The following SMARCA2 variants were observed in gnomAD, a reference collection of about 807,000 sequenced individuals.
SMARCA2 encodes SWI/SNF related BAF chromatin remodeling complex subunit ATPase 2, also known as SWI/SNF-related matrix-associated actin-dependent regulator of chromatin subfamily A member 2.
Under a neutral mutation model 199.8 loss-of-function variants are expected in SMARCA2, and 61 were observed. The ratio of observed to expected loss-of-function variants is 0.31; its 90% CI spans 0.25 to 0.38. SMARCA2 has a LOEUF of 0.38. Ranked by LOEUF, SMARCA2 falls within the 10% of genes least tolerant of loss-of-function variation. The pLI is 1.00. For synonymous variants in SMARCA2, 935 were observed against 732.0 expected (o/e 1.28, Z -4.48); for missense variants, 1,344 against 2,012.2 (o/e 0.67, Z 6.35).
Position 2,134,228 on chromosome 9 carries a change from A to G in SMARCA2, c.3981+10291A>G, listed in dbSNP as rs150970509. 1.9e-3 allele frequency among the ~76,000 whole-genome samples: 295 copies of G among 152,328 alleles called. 3 individuals carry two copies. The highest frequency in any genetic ancestry group is 6.4e-3 in the African/African-American group (266 of 41,578). On this transcript the variant is annotated intron_variant, in intron 27 of 33. Transcript: ENST00000349721. ...GGGAATCAAGAAGCTCCTTTCGCTT[A>G]CTCACTAATGGAATTAAAAGAGAAC...
At chr9:2,116,623 T>C (rs961489374) in intron 25 of SMARCA2, among the ~76,000 whole-genome samples, 1 of 152,230 alleles carries the variant, frequency 6.6e-6, no homozygotes, top group Admixed American at 6.5e-5. Context: ...TTAAACAGCC[T>C]TTATTTGTCA....
At chr9:2,116,090 C>T (rs1288788397) in intron 25 of SMARCA2, 41 bp downstream of exon 25, 3 of 1,427,972 alleles carry the variant, frequency 2.1e-6, no homozygotes, top group Non-Finnish European at 3.0e-6. Context: ...CAAACAGTGG[C>T]CTTTTGTCTC....
chr9:2,158,897 GTTTGGGGTC>G, intron 27 of SMARCA2: 1 of 1,602,200 alleles, frequency 6.2e-7, no homozygotes, highest in Middle Eastern at 1.7e-4. Context: ...ATATGGATGT[GTTTGGGGTC>G]TTTGGGGAGG....
At chr9:2,118,821 T>G (rs1360042809) in intron 25 of SMARCA2, among the ~76,000 whole-genome samples, 2 of 152,218 alleles carry the variant, frequency 1.3e-5, no homozygotes, top group Non-Finnish European at 2.9e-5. Flanking sequence ...ATTATTTTAA[T>G]TAAGTATAAT....
At position 2,123,878 on chromosome 9, in the gene SMARCA2, T is replaced by C. The variant is rs1181184879; in HGVS notation, c.3922T>C (p.Ser1308Pro). 2 of 1,600,910 alleles carry C rather than the reference T, an allele frequency of 1.2e-6. No homozygotes were observed. Among genetic ancestry groups the C allele is most frequent in the Non-Finnish European group, 8.5e-7 (1 of 1,174,068 alleles). Residue 1308 changes from serine to proline, a missense_variant, in exon 27 of 34, where the codon TCC becomes CCC. By Grantham distance (74) the Ser-to-Pro change is moderately conservative. Transcript: ENST00000349721. The surrounding 1 kb of genome is among the most constrained non-coding windows in gnomAD (Gnocchi z 4.1). ...EEEEKIFGRG[S>P]RQRRDVDYSD... ...GGAGGAGAAAATATTTGGGAGGGGG[T>C]CCCGCCAGCGCCGTGACGTGGACTA...
chr9:2,191,394 G>C lies in SMARCA2; in HGVS notation c.4723G>C (p.Glu1575Gln), dbSNP rs778660870. ...PVVSDFDSDE[E>Q]QDEREQSEGS... ...AGTGAGCGATTTTGACAGCGATGAG[G>C]AGCAGGATGAACGTGTAAGTGTAGC... is the stretch of plus-strand genomic sequence containing the variant. Residue 1575 changes from glutamate to glutamine, a missense_variant, in exon 33 of 34, where the codon GAG (glutamate) becomes CAG (glutamine). Around this residue, in one of 18 missense-constraint regions of SMARCA2, gnomAD observed 155 missense variants for 121.1 expected, o/e 1.28. Coordinates refer to ENST00000349721, the MANE Select transcript of SMARCA2 (RefSeq NM_003070.5). 2.4e-5 allele frequency: 38 copies of C among 1,614,018 alleles called. No homozygotes were observed. The highest frequency in any genetic ancestry group is 3.2e-5 in the Non-Finnish European group (38 of 1,180,012).
chr9:2,144,359 C>T (rs1027210867), intron 27 of SMARCA2, among the ~76,000 whole-genome samples: 2 of 152,070 alleles, frequency 1.3e-5, no homozygotes, highest in Non-Finnish European at 2.9e-5. Context: ...AGAGCAAGTC[C>T]GTTCTTGTGT....
intron 27 of SMARCA2, among the ~76,000 whole-genome samples, chr9:2,129,803 A>G (rs1304287491): frequency 6.6e-6 from 1 of 152,168 alleles, no homozygotes; most frequent in African/African-American, 2.4e-5. Context: ...TCCTGTCACT[A>G]CGGAGATGTC....
At chr9:2,047,136 C>T in intron 4 of SMARCA2, 93 bp from the exon 5 acceptor site, 1 of 949,468 alleles carries the variant, frequency 1.1e-6, no homozygotes, top group Non-Finnish European at 1.3e-6. Flanking sequence ...TTAATGGTCC[C>T]CAGCACTGGG....
In SMARCA2 at chr9:2,096,702, C is replaced by T. The variant is rs139445919; in HGVS notation, c.2929C>T (p.Leu977=). ...TGACATGTCAGCTCTGCAGAAGATT[C>T]TGTATCGCCATATGCAAGCCAAGGG... is the stretch of plus-strand genomic sequence containing the variant. ...KCDMSALQKI[L]YRHMQAKGIL... Residue 977 remains leucine (L), a synonymous_variant, in exon 20 of 34, where the codon CTG becomes TTG. Coordinates refer to ENST00000349721, the MANE Select transcript of SMARCA2 (RefSeq NM_003070.5). 253 of 1,613,816 alleles carry T rather than the reference C, an allele frequency of 1.6e-4. No homozygotes were observed. The highest frequency in any genetic ancestry group is 2.0e-5 in the Non-Finnish European group (24 of 1,179,808).
At position 2,161,757 on chromosome 9, in the gene SMARCA2, T is replaced by C; in HGVS notation, c.4053T>C (p.Asn1351=). ...VRLKKRKRRR[N]VDKDPAKEDV... Reference sequence around the variant, plus strand: ...TTAAGAAGCGAAAAAGACGAAGAAATGTGGATAAAGATCCTGCAAAAGAAG... The same window carrying C: ...TTAAGAAGCGAAAAAGACGAAGAAACGTGGATAAAGATCCTGCAAAAGAAG... The change falls in exon 28 of 34, where the codon AAT becomes AAC. Residue 1351 remains asparagine, a synonymous_variant. Coordinates refer to ENST00000349721, the MANE Select transcript of SMARCA2 (RefSeq NM_003070.5). The surrounding 1 kb of genome is among the most constrained non-coding windows in gnomAD (Gnocchi z 4.7). The C allele has an allele frequency of 6.2e-7, 1 of 1,613,856 alleles. No individual in the cohort carries two copies. Among genetic ancestry groups the C allele is most frequent in the Non-Finnish European group, 8.5e-7 (1 of 1,179,952 alleles).
chr9:2,029,213 A>G lies in SMARCA2; in HGVS notation c.191A>G (p.Asp64Gly). Residue 64 changes from aspartate to glycine, a missense_variant, in exon 2 of 34, where the codon GAC becomes GGC. Physicochemically the swap from Asp to Gly is moderately conservative, Grantham distance 94. Around this residue, in one of 18 missense-constraint regions of SMARCA2, gnomAD observed 275 missense variants for 247.5 expected, o/e 1.11. Transcript: ENST00000349721. Reference sequence around the variant, plus strand: ...CCTATGCCGACGATGGGGTCCACAGACTTCCCACAGGAAGGCATGCATCAA... The same window carrying G: ...CCTATGCCGACGATGGGGTCCACAGGCTTCCCACAGGAAGGCATGCATCAA... Reference protein sequence around the residue: ...SHPMPTMGSTDFPQEGMHQMH... With the variant: ...SHPMPTMGSTGFPQEGMHQMH... 1.2e-6 allele frequency: 2 copies of G among 1,612,890 alleles called. No individual in the cohort carries two copies. Among genetic ancestry groups the G allele is most frequent in the South Asian group, 2.2e-5 (2 of 90,740 alleles).
At chr9:2,182,916 G>C (rs1322355793) in intron 31 of SMARCA2, among the ~76,000 whole-genome samples, 6 of 151,688 alleles carry the variant, frequency 4.0e-5, no homozygotes, top group Non-Finnish European at 8.8e-5. Flanking sequence ...TTAGCCTCCT[G>C]AGTAGCTGGG....
chr9:2,067,098 T>C (rs1023137512), intron 9 of SMARCA2, among the ~76,000 whole-genome samples: 5 of 152,208 alleles, frequency 3.3e-5, no homozygotes, highest in African/African-American at 4.8e-5. Context: ...CTCTATCTCT[T>C]AGAATAACAT....
rs576787178 is a variant in SMARCA2 at position 2,074,191 on chromosome 9, T to C, written c.1935+568T>C. ...GCGCTCAGTCTCTTGGAAGGAATAC[T>C]TAGTATAACTAGAACCTAAAATGGG... On this transcript the variant is annotated intron_variant, in intron 12 of 33. Coordinates refer to ENST00000349721, the MANE Select transcript of SMARCA2 (RefSeq NM_003070.5). 7.2e-5 allele frequency among the ~76,000 whole-genome samples: 11 copies of C among 152,332 alleles called. No homozygotes were observed. The South Asian group carries it at 1.9e-3, about 26-fold the overall frequency.
At chr9:2,102,727 T>A (rs888049878) in intron 22 of SMARCA2, among the ~76,000 whole-genome samples, 1 of 152,194 alleles carries the variant, frequency 6.6e-6, no homozygotes, top group African/African-American at 2.4e-5. Flanking sequence ...TCCAAGACTC[T>A]TGTCCTCCCC....
chr9:2,077,724 G>C lies in SMARCA2; in HGVS notation c.2132G>C (p.Arg711Thr), dbSNP rs1276121331. The change falls in exon 14 of 34, where the codon AGG (arginine) becomes ACG (threonine). Residue 711 changes from arginine to threonine, a missense_variant. Physicochemically the swap from Arg to Thr is moderately conservative, Grantham distance 71. Around this residue, in one of 18 missense-constraint regions of SMARCA2, gnomAD observed 106 missense variants for 179.7 expected, o/e 0.59. Transcript: ENST00000349721. ...ACCGTGGCTCATGCCATCTCGGAGA[G>C]GGTGGAGAAACAGTCTGCCCTCCTA... Reference protein sequence around the residue: ...YYTVAHAISERVEKQSALLIN... With the variant: ...YYTVAHAISETVEKQSALLIN... The C allele has an allele frequency of 6.2e-7, 1 of 1,613,974 alleles. No individual in the cohort carries two copies. Among genetic ancestry groups the C allele is most frequent in the African/African-American group, 1.3e-5 (1 of 74,922 alleles).
chr9:2,135,773 C>T (rs1240752302), intron 27 of SMARCA2, among the ~76,000 whole-genome samples: 1 of 152,122 alleles, frequency 6.6e-6, no homozygotes, highest in Non-Finnish European at 1.5e-5. Flanking sequence ...GAACTCCTGA[C>T]CTCAGGTGAT....
chr9:2,033,315 G>A, intron 3 of SMARCA2: 3 of 457,318 alleles, frequency 6.6e-6, no homozygotes, highest in Non-Finnish European at 1.2e-5. Flanking sequence ...TGTCCAAGCA[G>A]TCTGCAAAGA....
Sources: gnomAD v4.1 joint callset for allele counts (sites outside exome capture counted in the v4.1 genomes callset) on GRCh38, gnomAD v4.1.1 for gene constraint, gnomAD v4.1.1 regional missense constraint, Gnocchi (gnomAD v3.1) non-coding constraint, MANE v1.5 for transcripts, NCBI Gene and HGNC (gene_info 2026-07-23, HGNC 2026-07-21) for gene names.